Variants in NDE1 observed in about 807,000 individuals in gnomAD.
The protein encoded by NDE1 is nuclear distribution protein nudE homolog 1.
A neutral mutation model predicts 43.4 loss-of-function variants in NDE1; 28 were observed. The ratio of observed to expected loss-of-function variants is 0.65; its 90% CI spans 0.48 to 0.89. NDE1 has a LOEUF of 0.89. Ranked by LOEUF, NDE1 falls within the 40% of genes least tolerant of loss-of-function variation. The probability of loss-of-function intolerance (pLI) is 0.00; values close to 1 mark genes in which losing one functional copy is unlikely to be tolerated. For synonymous variants in NDE1, 184 were observed against 172.0 expected (o/e 1.07, Z -0.55); for missense variants, 441 against 434.1 (o/e 1.02, Z -0.14).
intron 4 of NDE1, among the ~76,000 whole-genome samples, chr16:15,682,131 C>A (rs1032148164): frequency 1.3e-5 from 2 of 152,096 alleles, no homozygotes; most frequent in African/African-American, 4.8e-5. Flanking sequence ...TGTTAAAAAT[C>A]GGATGAGGTA....
rs1284889363 is a variant in NDE1, at chr16:15,687,159, C to T, written c.387-216C>T. The stretch of plus-strand genomic sequence containing the variant: ...CATCTTATTTAATCCTCATGACAGC[C>T]TCGTGCACCCCATGAGCTATGATGA... On this transcript the variant is annotated intron_variant, in intron 4 of 8. Coordinates refer to ENST00000396354, the MANE Select transcript of NDE1 (RefSeq NM_017668.3). 2.1e-6 allele frequency: 3 copies of T among 1,459,286 alleles called. No homozygotes were observed. In the South Asian group the frequency reaches 3.9e-5, roughly 19 times the overall value. 90.4% of individuals were successfully genotyped at this position (1,459,286 alleles called of 1,614,324 possible).
Position 15,691,271 on chromosome 16 carries a change from T to C in NDE1, c.651T>C (p.Ile217=). Residue 217 remains isoleucine, a synonymous_variant, in exon 6 of 9, where the codon ATT becomes ATC. Transcript: ENST00000396354. ...QATGSVPSTP[I]AHRGPSSSLN... ...CGGGCTCCGTGCCGTCCACGCCCAT[T>C]GCTCACCGAGGACCCAGCTCAAGTT... The C allele has an allele frequency of 6.2e-7, 1 of 1,614,064 alleles. No homozygotes were observed. The highest frequency in any genetic ancestry group is 8.5e-7 in the Non-Finnish European group (1 of 1,179,974).
At chr16:15,721,711 C>T (rs1240882572) in intron 8 of NDE1, 4 of 1,484,036 alleles carry the variant, frequency 2.7e-6, no homozygotes, top group African/African-American at 1.4e-5. Flanking sequence ...CCGGGGGAAG[C>T]CCTGTGTCCT....
intron 8 of NDE1, among the ~76,000 whole-genome samples, chr16:15,709,592 G>A (rs900809898): frequency 3.3e-5 from 5 of 152,192 alleles, no homozygotes; most frequent in African/African-American, 1.2e-4. Context: ...TGGGATTACA[G>A]GTGTGAGCCA....
At position 15,724,596 on chromosome 16, in the gene NDE1, G is replaced by C; in HGVS notation, c.*345G>C. ...CGATCTGCCTGCGGGGGATCTCAGC[G>C]CAGAGAAGTTGAGAGGACCCATGAA... On this transcript the variant is annotated 3_prime_UTR_variant, in exon 9 of 9. Coordinates refer to ENST00000396354, the MANE Select transcript of NDE1 (RefSeq NM_017668.3). 3 of 1,612,270 alleles carry C rather than the reference G, an allele frequency of 1.9e-6. No individual in the cohort carries two copies. The highest frequency in any genetic ancestry group is 2.5e-6 in the Non-Finnish European group (3 of 1,179,572).
rs35091023 is a variant in NDE1, at chr16:15,659,425, C to CTTTT, written c.-43-5285_-43-5282dup. Among the ~76,000 whole-genome samples, 162 of 58,908 alleles carry CTTTT rather than the reference C, an allele frequency of 2.8e-3. 34 individuals are homozygous for CTTTT. Among genetic ancestry groups the CTTTT allele is most frequent in the African/African-American group, 5.9e-3 (83 of 14,150 alleles). The allele number at this position is 58,908 out of a possible 152,430, so 38.6% of individuals were successfully genotyped here. ...GGAAGGAAGGGACCTTGCACACAATCTTTTTTTTTTTTTTTTTTTTTTTTT... is the reference window on the plus strand; with the variant it reads ...GGAAGGAAGGGACCTTGCACACAATCTTTTTTTTTTTTTTTTTTTTTTTTTTTTT... On this transcript the variant is annotated intron_variant, in intron 1 of 8. Coordinates refer to ENST00000396354, the MANE Select transcript of NDE1 (RefSeq NM_017668.3).
chr16:15,713,888 T>G (rs1178281386), intron 8 of NDE1: 2 of 152,358 alleles, frequency 1.3e-5, no homozygotes, highest in Non-Finnish European at 2.9e-5. Flanking sequence ...AGACAGCTGG[T>G]TTGGAGCTGG....
intron 1 of NDE1, among the ~76,000 whole-genome samples, chr16:15,659,346 T>C (rs2036926819): frequency 6.6e-6 from 1 of 152,016 alleles, no homozygotes; most frequent in South Asian, 2.1e-4. Flanking sequence ...AGTGATGGTT[T>C]TTGCTCATTC....
At chr16:15,721,458 T>G in intron 8 of NDE1, 1 of 1,614,212 alleles carries the variant, frequency 6.2e-7, no homozygotes, top group Non-Finnish European at 8.5e-7. Context: ...TGACCAGGTC[T>G]TCCATTTCGG....
exon 1 of NDE1, chr16:15,643,417 G>A: frequency 2.1e-6 from 1 of 468,046 alleles, no homozygotes; most frequent in Non-Finnish European, 4.4e-6. Context: ...TTCACGTTGT[G>A]GAGTCGAAAG....
At chr16:15,689,384 TAGG>T (rs1324862404) in intron 5 of NDE1, among the ~76,000 whole-genome samples, 1 of 152,038 alleles carries the variant, frequency 6.6e-6, no homozygotes, top group Non-Finnish European at 1.5e-5. Flanking sequence ...TCCAGCTACT[TAGG>T]AGGCTGAAGT....
chr16:15,690,389 A>G (rs1321516723), intron 5 of NDE1, among the ~76,000 whole-genome samples: 1 of 87,140 alleles, frequency 1.1e-5, no homozygotes, highest in Non-Finnish European at 2.0e-5. Flanking sequence ...TTTGAGCCAG[A>G]GGTCTCACTC....
intron 8 of NDE1, among the ~76,000 whole-genome samples, chr16:15,709,435 C>T (rs927915662): frequency 1.3e-5 from 2 of 152,034 alleles, no homozygotes; most frequent in Non-Finnish European, 2.9e-5. Context: ...CTGCCTCAGC[C>T]TCCCGAGTAG....
At chr16:15,695,028 C>T in intron 7 of NDE1, 1 of 496,952 alleles carries the variant, frequency 2.0e-6, no homozygotes, top group Non-Finnish European at 2.6e-6. Context: ...TACAAGAATG[C>T]AAAAATTAGC....
chr16:15,716,957 G>C lies in NDE1; in HGVS notation c.948-7234G>C, dbSNP rs139701885. Among the ~76,000 whole-genome samples, 29 of 152,324 alleles carry C rather than the reference G, an allele frequency of 1.9e-4. No individual in the cohort carries two copies. In the East Asian group the frequency reaches 5.2e-3, roughly 27 times the overall value. ...ACTTTAGGTGCTTGCCCTAGGCCAGGAACCAGCAGGGCACTTTGCTGTGTT... is the reference window on the plus strand; with the variant it reads ...ACTTTAGGTGCTTGCCCTAGGCCAGCAACCAGCAGGGCACTTTGCTGTGTT... On this transcript the variant is annotated intron_variant, in intron 8 of 8. Transcript: ENST00000396354.
chr16:15,723,939 C>T (rs964893820), intron 8 of NDE1, among the ~76,000 whole-genome samples: 15 of 152,188 alleles, frequency 9.9e-5, no homozygotes, highest in African/African-American at 3.6e-4. Flanking sequence ...TGCTGGTACC[C>T]AGAAAAGTCA....
At chr16:15,715,168 T>A in intron 8 of NDE1, 1 of 1,613,648 alleles carries the variant, frequency 6.2e-7, no homozygotes, top group Non-Finnish European at 8.5e-7. Flanking sequence ...GGCTACCTGC[T>A]CCTTGTACTG....
At chr16:15,643,962 G>A (rs2036225585) in intron 1 of NDE1, 1 of 152,024 alleles carries the variant, frequency 6.6e-6, no homozygotes, top group Non-Finnish European at 1.5e-5. Flanking sequence ...TAGGTGGCCA[G>A]ATATGCTGTG....
intron 8 of NDE1, among the ~76,000 whole-genome samples, chr16:15,700,701 T>G (rs1256242711): frequency 6.6e-6 from 1 of 151,964 alleles, no homozygotes; most frequent in Non-Finnish European, 1.5e-5. Context: ...TCCTCCCGCC[T>G]CAGCCTCCCA....
Sources: gnomAD v4.1 joint callset for allele counts (sites outside exome capture counted in the v4.1 genomes callset) on GRCh38, gnomAD v4.1.1 for gene constraint, MANE v1.5 for transcripts, NCBI Gene and HGNC (gene_info 2026-07-23, HGNC 2026-07-21) for gene names.